The following DNAJC17 variants were observed in gnomAD, a reference collection of about 807,000 sequenced individuals.
DNAJC17 encodes dnaJ homolog subfamily C member 17.
In DNAJC17, 35 loss-of-function variants were observed where a neutral mutation model predicts 48.1. The ratio of observed to expected loss-of-function variants is 0.73; its 90% CI spans 0.56 to 0.96. The LOEUF (loss-of-function observed/expected upper bound fraction) is 0.96. Among genes scored for constraint, DNAJC17 ranks in the 50% least tolerant of loss-of-function variants. DNAJC17 has a pLI of 0.00. For missense variants in DNAJC17, 355 were observed against 377.1 expected, an observed-to-expected ratio of 0.94 and a Z score of 0.48; for synonymous variants, 117 against 142.7, an observed-to-expected ratio of 0.82 and a Z score of 1.28.
At chr15:40,780,319 A>C in intron 1 of DNAJC17, 1 of 522,130 alleles carries the variant, frequency 1.9e-6, no homozygotes, top group Non-Finnish European at 3.7e-6. Flanking sequence ...TACTCTACAC[A>C]TTCTTGGTGG....
chr15:40,789,567 A>C (rs1159057581), intron 1 of DNAJC17, among the ~76,000 whole-genome samples: 3 of 151,892 alleles, frequency 2.0e-5, no homozygotes, highest in African/African-American at 7.3e-5. Flanking sequence ...TCTCATGCCC[A>C]GATCTGCCAG....
Position 40,770,972 on chromosome 15 carries a change from G to A in DNAJC17, c.792+2755C>T, listed in dbSNP as rs1387724020. 1.3e-6 allele frequency: 2 copies of A among 1,551,324 alleles called. No homozygotes were observed. Among genetic ancestry groups the A allele is most frequent in the Non-Finnish European group, 1.7e-6 (2 of 1,147,012 alleles). On this transcript the variant is annotated intron_variant, in intron 10 of 10. Transcript: ENST00000220496. This position sits in a 1 kb window ranked among gnomAD's most constrained non-coding sequence, Gnocchi z 5.0. The stretch of plus-strand genomic sequence containing the variant: ...TGGACCTGGGGATTTCACTTCTTGA[G>A]GAAGTTCTGCAGATGCTAAGGGAGC...
Position 40,807,436 on chromosome 15 carries a change from G to C in DNAJC17, c.11C>G (p.Thr4Ser). Residue 4 changes from threonine to serine, a missense_variant, in exon 1 of 11, where the codon ACC becomes AGC. Physicochemically the swap from Thr to Ser is moderately conservative, Grantham distance 58. Coordinates refer to ENST00000220496, the MANE Select transcript of DNAJC17 (RefSeq NM_018163.3). ...CAGGTCCATCTGTAAGAGCTCCTTGGTCACTGCCATGGTTCCGGCCTGACG... is the reference window on the plus strand; with the variant it reads ...CAGGTCCATCTGTAAGAGCTCCTTGCTCACTGCCATGGTTCCGGCCTGACG... Reference protein sequence around the residue: MAVTKELLQMDLYA... With the variant: MAVSKELLQMDLYA... 1 of 1,614,230 alleles carries C rather than the reference G, an allele frequency of 6.2e-7. No homozygotes were observed. Among genetic ancestry groups the C allele is most frequent in the Non-Finnish European group, 8.5e-7 (1 of 1,180,030 alleles).
chr15:40,773,964 C>T, intron 9 of DNAJC17, 127 bp from the exon 10 acceptor site: 1 of 823,340 alleles, frequency 1.2e-6, no homozygotes, highest in Non-Finnish European at 1.9e-6. Context: ...CCTCAGCAGC[C>T]TTCAAGTGAT....
At position 40,765,540 on chromosome 15, in the gene DNAJC17, G is replaced by T. The variant is rs566519728; in HGVS notation, c.*2400C>A. The T allele has an allele frequency of 3.7e-5, 9 of 243,918 alleles. No homozygotes were observed. Among genetic ancestry groups the T allele is most frequent in the African/African-American group, 1.8e-4 (8 of 44,820 alleles). The allele number at this position is 243,918 out of a possible 1,614,324, so 15.1% of individuals were successfully genotyped here. ...CAGCCTCAAACTCCTCCCACCTCAA[G>T]CGATCCTCCCACCTCAGCCTCAGTA... On this transcript the variant is annotated 3_prime_UTR_variant, in exon 11 of 11. Transcript: ENST00000220496.
intron 1 of DNAJC17, among the ~76,000 whole-genome samples, chr15:40,781,921 CA>C (rs959010636): frequency 1.0e-4 from 15 of 147,334 alleles, no homozygotes; most frequent in South Asian, 2.2e-4. Context: ...GACTCTGTCT[CA>C]AAAAAAAAAA....
intron 1 of DNAJC17, among the ~76,000 whole-genome samples, chr15:40,781,510 TAAA>T (rs1889488062): frequency 1.3e-5 from 2 of 151,668 alleles, no homozygotes; most frequent in Non-Finnish European, 2.9e-5. Context: ...AAAAAAATAA[TAAA>T]AAATAAATTT....
At chr15:40,789,683 A>T (rs1672658254) in intron 1 of DNAJC17, among the ~76,000 whole-genome samples, 1 of 151,870 alleles carries the variant, frequency 6.6e-6, no homozygotes, top group Non-Finnish European at 1.5e-5. Flanking sequence ...CAGGGGGTAG[A>T]ACTCCTTCCC....
rs755145154 is a variant in DNAJC17, at chr15:40,767,206, C to G, written c.*734G>C. The G allele has an allele frequency of 2.0e-6, 3 of 1,486,826 alleles. No homozygotes were observed. Among genetic ancestry groups the G allele is most frequent in the South Asian group, 1.4e-5 (1 of 71,756 alleles). The allele number at this position is 1,486,826 out of a possible 1,614,324, so 92.1% of individuals were successfully genotyped here. A position where few individuals can be genotyped will look rare whatever the true frequency, so the allele number is the denominator to read the frequency against. On this transcript the variant is annotated 3_prime_UTR_variant, in exon 11 of 11. Coordinates refer to ENST00000220496, the MANE Select transcript of DNAJC17 (RefSeq NM_018163.3). ...TTGCTGTGTGCCCCTCCTCACCCCCCCCATCCTGTCTCTTTGCAGTTATGA... is the reference window on the plus strand; with the variant it reads ...TTGCTGTGTGCCCCTCCTCACCCCCGCCATCCTGTCTCTTTGCAGTTATGA...
At chr15:40,789,914 A>AG (rs1487677577) in intron 1 of DNAJC17, among the ~76,000 whole-genome samples, 2 of 148,876 alleles carry the variant, frequency 1.3e-5, no homozygotes, top group Non-Finnish European at 3.0e-5. Context: ...AAAAAAAAAA[A>AG]AAAAAAAAAA....
chr15:40,777,298 T>C (rs931756634), intron 4 of DNAJC17, among the ~76,000 whole-genome samples: 1 of 151,558 alleles, frequency 6.6e-6, no homozygotes, highest in Non-Finnish European at 1.5e-5. Context: ...TTTTTTTTTT[T>C]TTGAGATGGG....
Position 40,807,461 on chromosome 15 carries a change from G to T in DNAJC17, c.-15C>A. The T allele has an allele frequency of 6.2e-7, 1 of 1,614,164 alleles. No individual in the cohort carries two copies. Among genetic ancestry groups the T allele is most frequent in the South Asian group, 1.1e-5 (1 of 91,080 alleles). On this transcript the variant is annotated 5_prime_UTR_variant, in exon 1 of 11. Coordinates refer to ENST00000220496, the MANE Select transcript of DNAJC17 (RefSeq NM_018163.3). ...GTCACTGCCATGGTTCCGGCCTGAC[G>T]GATTCGTACTACAACTCCCAAGAGT...
At position 40,766,799 on chromosome 15, in the gene DNAJC17, TG is replaced by T. The variant is rs1888959505; in HGVS notation, c.*1140del. 1 of 153,690 alleles carries T rather than the reference TG, an allele frequency of 6.5e-6. No individual in the cohort carries two copies. The highest frequency in any genetic ancestry group is 1.4e-5 in the Non-Finnish European group (1 of 69,136). 9.5% of individuals were successfully genotyped at this position (153,690 alleles called of 1,614,324 possible). A position where few individuals can be genotyped will look rare whatever the true frequency, so the allele number is the denominator to read the frequency against. On this transcript the variant is annotated 3_prime_UTR_variant, in exon 11 of 11. Transcript: ENST00000220496. ...CCTGGAGGCTTATTTTTTTTTGAAA[TG>T]GAGTCTCTGTCGCCCAGGCTGGAGT...
At chr15:40,780,077 G>A (rs770055367) in intron 1 of DNAJC17, 80 bp from the exon 2 acceptor site, 1 of 1,337,098 alleles carries the variant, frequency 7.5e-7, no homozygotes. Context: ...ATGGGTAAGG[G>A]GAATCCCATG....
rs1462572336 is a variant in DNAJC17 at position 40,767,905 on chromosome 15, G to A, written c.*35C>T. On this transcript the variant is annotated 3_prime_UTR_variant, in exon 11 of 11. Coordinates refer to ENST00000220496, the MANE Select transcript of DNAJC17 (RefSeq NM_018163.3). ...AAAAAAATTTATTGGTGACGTTGAA[G>A]AAAAGGGCTGAGGGGTGGATGGCTG... is the stretch of plus-strand genomic sequence containing the variant. 1.3e-6 allele frequency: 2 copies of A among 1,596,718 alleles called. No homozygotes were observed. The highest frequency in any genetic ancestry group is 1.4e-5 in the African/African-American group (1 of 73,342).
At chr15:40,777,269 TTCTCTC>T (rs952158404) in intron 4 of DNAJC17, among the ~76,000 whole-genome samples, 2 of 151,006 alleles carry the variant, frequency 1.3e-5, no homozygotes, top group African/African-American at 4.9e-5. Flanking sequence ...GACTCTCCTT[TTCTCTC>T]TCTCTCTTTT....
chr15:40,767,381 C>G lies in DNAJC17; in HGVS notation c.*559G>C. 1 of 1,574,624 alleles carries G rather than the reference C, an allele frequency of 6.4e-7. No individual in the cohort carries two copies. The highest frequency in any genetic ancestry group is 8.6e-7 in the Non-Finnish European group (1 of 1,161,728). Reference sequence around the variant, plus strand: ...CATGCTGATTTGCAGACGGGGCACCCCTGTGGAGGGGCTGCTGTGGGCCCT... The same window carrying G: ...CATGCTGATTTGCAGACGGGGCACCGCTGTGGAGGGGCTGCTGTGGGCCCT... On this transcript the variant is annotated 3_prime_UTR_variant, in exon 11 of 11. Transcript: ENST00000220496.
At chr15:40,801,481 G>A (rs1890069454) in intron 1 of DNAJC17, among the ~76,000 whole-genome samples, 1 of 152,180 alleles carries the variant, frequency 6.6e-6, no homozygotes, top group African/African-American at 2.4e-5. Flanking sequence ...TATTGGCTGG[G>A]TGCGGTGGCT....
In DNAJC17 at chr15:40,769,626, AGC is replaced by A. The variant is rs1889067688; in HGVS notation, c.793-1566_793-1565del. ...ACAGCGGGGCTGAGTCACCCATACC[AGC>A]TACAGGTCTCTTCCTTCCCCAACAA... On this transcript the variant is annotated intron_variant, in intron 10 of 10. Coordinates refer to ENST00000220496, the MANE Select transcript of DNAJC17 (RefSeq NM_018163.3). The surrounding 1 kb of genome is among the most constrained non-coding windows in gnomAD (Gnocchi z 4.2). 6.6e-6 allele frequency among the ~76,000 whole-genome samples: 1 copy of A among 152,124 alleles called. No homozygotes were observed. The highest frequency in any genetic ancestry group is 2.4e-5 in the African/African-American group (1 of 41,416).
Sources: allele counts gnomAD v4.1 joint callset (sites outside exome capture counted in the v4.1 genomes callset), GRCh38; gene constraint gnomAD v4.1.1; non-coding constraint Gnocchi (gnomAD v3.1); transcripts MANE v1.5; gene names NCBI Gene and HGNC (gene_info 2026-07-23, HGNC 2026-07-21).